CNTLN: variants seen among roughly 807,000 people sequenced by gnomAD.
The protein encoded by CNTLN is centlein, also known as centlein, centrosomal protein.
Under a neutral mutation model 180.0 loss-of-function variants are expected in CNTLN, and 212 were observed. That is an observed-to-expected ratio of 1.18 (90% CI 1.05 to 1.32). The LOEUF (loss-of-function observed/expected upper bound fraction) is 1.32. Ranked by LOEUF, CNTLN falls within the 40% of genes most tolerant of loss-of-function variation. The pLI, the probability that CNTLN is intolerant of heterozygous loss-of-function variation, is 0.00. For synonymous variants in CNTLN, 722 were observed against 563.1 expected (o/e 1.28, Z -3.99); for missense variants, 2,095 against 1,610.9 (o/e 1.30, Z -5.14).
At chr9:17,200,761 T>C (rs903289626) in intron 2 of CNTLN, among the ~76,000 whole-genome samples, 8 of 152,194 alleles carry the variant, frequency 5.3e-5, no homozygotes, top group Admixed American at 1.3e-4. Flanking sequence ...TTTCTAAATA[T>C]ACAATCATAT....
At chr9:17,514,292 A>G in the CNTLN span, among the ~76,000 whole-genome samples, 4 of 152,224 alleles carry the variant, frequency 2.6e-5, no homozygotes, top group South Asian at 4.1e-4. Context: ...CCTGAGAGAC[A>G]GAGCAAGATG....
intron 6 of CNTLN, among the ~76,000 whole-genome samples, chr9:17,281,320 G>C (rs1203447323): frequency 6.6e-6 from 1 of 151,840 alleles, no homozygotes; most frequent in Non-Finnish European, 1.5e-5. Context: ...ACACGTGCAG[G>C]ATGTGCAGGT....
chr9:17,308,977 TATAC>T, intron 7 of CNTLN, 77 bp from the exon 8 acceptor site: 22 of 891,954 alleles, frequency 2.5e-5, no homozygotes, highest in Non-Finnish European at 3.5e-5. Flanking sequence ...CATATGTATA[TATAC>T]ACACACACAC....
At chr9:17,177,325 C>T (rs570748920) in intron 2 of CNTLN, among the ~76,000 whole-genome samples, 16 of 152,012 alleles carry the variant, frequency 1.1e-4, no homozygotes, top group Non-Finnish European at 1.8e-4. Context: ...AGGAGAATGG[C>T]GTGAACCCGG....
At chr9:17,336,364 G>A (rs558173394) in intron 10 of CNTLN, among the ~76,000 whole-genome samples, 2 of 152,128 alleles carry the variant, frequency 1.3e-5, no homozygotes, top group South Asian at 4.2e-4. Flanking sequence ...ATGAAGAAGT[G>A]TTTTTCTTTG....
intron 18 of CNTLN, among the ~76,000 whole-genome samples, chr9:17,444,569 G>A (rs4961563): frequency 0.1 from 15,713 of 152,110 alleles, 2,082 homozygotes; most frequent in African/African-American, 0.3. Flanking sequence ...ACACATCTGG[G>A]TAGTATGTAC....
intron 13 of CNTLN, among the ~76,000 whole-genome samples, chr9:17,386,420 AAAAT>A (rs1334570240): frequency 3.9e-5 from 6 of 152,208 alleles, no homozygotes; most frequent in Non-Finnish European, 7.3e-5. Flanking sequence ...TAAAATATCA[AAAAT>A]AAATCTCCAG....
chr9:17,354,297 C>A (rs1310970105), intron 12 of CNTLN, among the ~76,000 whole-genome samples: 3 of 152,206 alleles, frequency 2.0e-5, no homozygotes, highest in Admixed American at 6.5e-5. Flanking sequence ...GTCCCGTAGA[C>A]CACCTAAGGG....
At chr9:17,223,008 C>T (rs1404257708) in intron 2 of CNTLN, among the ~76,000 whole-genome samples, 1 of 151,942 alleles carries the variant, frequency 6.6e-6, no homozygotes, top group African/African-American at 2.4e-5. Context: ...GGATACGTTC[C>T]AAGCCTCCCA....
rs746570961 is a variant in CNTLN at position 17,273,782 on chromosome 9, A to T, written c.899A>T (p.Gln300Leu). Residue 300 changes from glutamine (Q) to leucine (L), a missense_variant, in exon 6 of 26, where the codon CAG (glutamine) becomes CTG (leucine). Gln to Leu is a moderately radical substitution (Grantham distance 113, BLOSUM62 -2). Coordinates refer to ENST00000380647, the MANE Select transcript of CNTLN (RefSeq NM_017738.4). Reference sequence around the variant, plus strand: ...GCAAGGAAAGAAGTTGAAGTATCACAGAGTAAATACAATGCTCTATCATTA... The same window carrying T: ...GCAAGGAAAGAAGTTGAAGTATCACTGAGTAAATACAATGCTCTATCATTA... ...IEARKEVEVSQSKYNALSLQL... is the reference protein window; with the variant it reads ...IEARKEVEVSLSKYNALSLQL... 5 of 1,562,666 alleles carry T rather than the reference A, an allele frequency of 3.2e-6. No homozygotes were observed. The highest frequency in any genetic ancestry group is 4.3e-6 in the Non-Finnish European group (5 of 1,157,186).
chr9:17,341,398 A>ACC (rs1383654450), intron 11 of CNTLN, among the ~76,000 whole-genome samples: 1 of 152,150 alleles, frequency 6.6e-6, no homozygotes, highest in Non-Finnish European at 1.5e-5. Context: ...AACTACTTCA[A>ACC]CCTAGTATGC....
chr9:17,197,683 C>T lies in CNTLN; in HGVS notation c.450-28520C>T, dbSNP rs145392326. Among the ~76,000 whole-genome samples the T allele has an allele frequency of 8.6e-3, 1,311 of 152,186 alleles. 16 individuals carry two copies. The highest frequency in any genetic ancestry group is 0.01 in the Non-Finnish European group (713 of 67,978). ...GCAGATATTGTCTCCTATTCTGTGG[C>T]GTGTCTGCTCACTTTATTGATTGCT... On this transcript the variant is annotated intron_variant, in intron 2 of 25. Transcript: ENST00000380647.
intron 2 of CNTLN, among the ~76,000 whole-genome samples, chr9:17,146,214 T>C (rs1011760579): frequency 2.0e-5 from 3 of 152,232 alleles, no homozygotes; most frequent in Admixed American, 2.0e-4. Context: ...TCATATTTTT[T>C]CTTCATTGTA....
intron 6 of CNTLN, among the ~76,000 whole-genome samples, chr9:17,290,541 T>C (rs1372626672): frequency 7.0e-6 from 1 of 142,624 alleles, no homozygotes; most frequent in African/African-American, 2.6e-5. Flanking sequence ...CTCCACCCAG[T>C]TCGAGCTTCC....
chr9:17,245,449 T>C (rs1410798582), intron 5 of CNTLN, among the ~76,000 whole-genome samples: 1 of 151,826 alleles, frequency 6.6e-6, no homozygotes, highest in African/African-American at 2.4e-5. Context: ...TGTTTTTTTT[T>C]TTTTTCTGCT....
intron 24 of CNTLN, among the ~76,000 whole-genome samples, 172 bp downstream of exon 24, chr9:17,484,652 A>T (rs544895529): frequency 1.3e-5 from 2 of 152,256 alleles, no homozygotes; most frequent in East Asian, 3.9e-4. Context: ...TAACTCAAAA[A>T]GCCTTTAAAG....
At chr9:17,286,817 T>G (rs1204312088) in intron 6 of CNTLN, among the ~76,000 whole-genome samples, 7 of 118,594 alleles carry the variant, frequency 5.9e-5, no homozygotes, top group Admixed American at 8.8e-5. Flanking sequence ...TGTCTGTTGT[T>G]GGTGTATAAG....
At chr9:17,398,165 C>G (rs1826681474) in intron 15 of CNTLN, among the ~76,000 whole-genome samples, 1 of 152,060 alleles carries the variant, frequency 6.6e-6, no homozygotes, top group Admixed American at 6.6e-5. Context: ...GTGTTTATAT[C>G]TTCAAGAAGA....
intron 2 of CNTLN, among the ~76,000 whole-genome samples, chr9:17,203,673 C>T (rs998285420): frequency 2.7e-4 from 41 of 152,196 alleles, no homozygotes; most frequent in Admixed American, 2.7e-3. Context: ...TCTCCTGCCT[C>T]AGCCTCCTGA....
Sources: allele counts gnomAD v4.1 joint callset (sites outside exome capture counted in the v4.1 genomes callset), GRCh38; gene constraint gnomAD v4.1.1; transcripts MANE v1.5; gene names NCBI Gene and HGNC (gene_info 2026-07-23, HGNC 2026-07-21).